MTBP: variants seen among roughly 807,000 people sequenced by gnomAD.
The protein encoded by MTBP is MDM2 binding protein, also known as mdm2-binding protein.
Under a neutral mutation model 117.0 loss-of-function variants are expected in MTBP, and 101 were observed. The observed-to-expected ratio is 0.86, with a 90% CI of 0.73 to 1.02. MTBP has a LOEUF of 1.02. MTBP is among the 50% of genes least tolerant of loss of function. The pLI is 0.00. For missense variants in MTBP, 970 were observed against 1,030.9 expected (o/e 0.94, Z 0.81); for synonymous variants, 350 against 351.5 (o/e 1.00, Z 0.05).
chr8:120,516,238 T>C, intron 18 of MTBP, 47 bp downstream of exon 18: 1 of 1,428,232 alleles, frequency 7.0e-7, no homozygotes. Context: ...GAAAGTATTT[T>C]AGTCTCGAGG....
intron 4 of MTBP, chr8:120,452,564 C>G (rs1392054245): frequency 6.6e-6 from 1 of 152,346 alleles, no homozygotes; most frequent in Non-Finnish European, 1.5e-5. Context: ...GGCACAGTGG[C>G]TCACGCCTGT....
intron 12 of MTBP, 39 bp from the exon 13 acceptor site, chr8:120,490,424 C>T (rs1437546472): frequency 4.7e-6 from 6 of 1,266,538 alleles, no homozygotes; most frequent in Non-Finnish European, 6.8e-6. Flanking sequence ...TGGCAAAGGG[C>T]ATCATTAATG....
intron 11 of MTBP, among the ~76,000 whole-genome samples, chr8:120,480,433 C>G (rs553149303): frequency 6.6e-6 from 1 of 151,782 alleles, no homozygotes; most frequent in Non-Finnish European, 1.5e-5. Context: ...AAGAAATTGA[C>G]AAACTGATCC....
At chr8:120,511,068 C>G (rs34162236) in intron 17 of MTBP, among the ~76,000 whole-genome samples, 1 of 151,874 alleles carries the variant, frequency 6.6e-6, no homozygotes, top group African/African-American at 2.4e-5. Context: ...AACAACAGAT[C>G]GGCAACTCGG....
At chr8:120,488,471 C>T (rs1192579429) in intron 12 of MTBP, 139 bp downstream of exon 12, 19 of 640,918 alleles carry the variant, frequency 3.0e-5, no homozygotes, top group Non-Finnish European at 3.9e-5. Context: ...ATTAATTTAC[C>T]TTTTATTTAA....
Position 120,488,296 on chromosome 8 carries a change from G to C in MTBP, c.1303G>C (p.Gly435Arg). 1 of 1,563,334 alleles carries C rather than the reference G, an allele frequency of 6.4e-7. No homozygotes were observed. The highest frequency in any genetic ancestry group is 1.2e-5 in the South Asian group (1 of 80,512). The change falls in exon 12 of 22, where the codon GGA (glycine) becomes CGA (arginine). Residue 435 changes from glycine to arginine, a missense_variant. Physicochemically the swap from Gly to Arg is moderately radical, Grantham distance 125. Coordinates refer to ENST00000305949, the MANE Select transcript of MTBP (RefSeq NM_022045.5). ...NGSFALNLIH[G>R]KMKTKTEEAK... is the part of the protein sequence containing the mutation. ...CTCATTTGCACTCAATTTAATTCAT[G>C]GAAAGATGAAAACAAAGACAGAAGA...
chr8:120,460,451 T>C (rs1009274143), intron 8 of MTBP, among the ~76,000 whole-genome samples: 2 of 152,176 alleles, frequency 1.3e-5, no homozygotes, highest in Non-Finnish European at 2.9e-5. Flanking sequence ...ATTACTCTGC[T>C]TTTTACAAGT....
Position 120,505,684 on chromosome 8 carries a change from G to T in MTBP, c.1728-1022G>T, listed in dbSNP as rs2130606482. The stretch of plus-strand genomic sequence containing the variant: ...TGAAGTTAGGAAATTAATTTTCTGT[G>T]CAGACATTGAAATATTTTATTTATG... On this transcript the variant is annotated intron_variant, in intron 15 of 21. Transcript: ENST00000305949. Among the ~76,000 whole-genome samples the T allele has an allele frequency of 2.6e-5, 4 of 152,238 alleles. No homozygotes were observed. In the South Asian group the frequency reaches 8.3e-4, roughly 32 times the overall value.
intron 5 of MTBP, 74 bp downstream of exon 5, chr8:120,453,979 T>A: frequency 1.1e-6 from 1 of 911,256 alleles, no homozygotes; most frequent in Non-Finnish European, 1.7e-6. Context: ...ATAAATTTGT[T>A]CTTTATGTTA....
chr8:120,478,091 A>G (rs1813986202), intron 11 of MTBP, among the ~76,000 whole-genome samples: 2 of 152,248 alleles, frequency 1.3e-5, no homozygotes, highest in Admixed American at 6.5e-5. Context: ...GAATGAGTTC[A>G]TGTCCTTTGC....
At chr8:120,466,501 C>T (rs1472352792) in intron 10 of MTBP, among the ~76,000 whole-genome samples, 3 of 151,100 alleles carry the variant, frequency 2.0e-5, no homozygotes, top group African/African-American at 7.3e-5. Context: ...CAGGTGTGAG[C>T]CACTGCACCT....
chr8:120,492,865 T>C (rs778674384), intron 13 of MTBP, among the ~76,000 whole-genome samples: 3 of 152,230 alleles, frequency 2.0e-5, no homozygotes, highest in Non-Finnish European at 4.4e-5. Flanking sequence ...TTGTGACTTA[T>C]ATTTTACCAA....
chr8:120,482,801 G>C (rs1448327051), intron 11 of MTBP, among the ~76,000 whole-genome samples: 1 of 151,680 alleles, frequency 6.6e-6, no homozygotes, highest in Non-Finnish European at 1.5e-5. Flanking sequence ...CTGGGTTCAA[G>C]CGATTCTCCT....
intron 2 of MTBP, 54 bp from the exon 3 acceptor site, chr8:120,450,949 C>A: frequency 7.9e-7 from 1 of 1,266,728 alleles, no homozygotes; most frequent in South Asian, 1.3e-5. Context: ...TATGCTGTGT[C>A]ATCTGCTTAT....
chr8:120,452,874 A>G (rs1187247425), intron 4 of MTBP: 1 of 151,592 alleles, frequency 6.6e-6, no homozygotes, highest in Non-Finnish European at 1.5e-5. Flanking sequence ...AAAGTTTCTG[A>G]TAAGTGACCT....
At chr8:120,482,225 A>G (rs188331433) in intron 11 of MTBP, among the ~76,000 whole-genome samples, 12 of 152,314 alleles carry the variant, frequency 7.9e-5, no homozygotes, top group Admixed American at 5.9e-4. Flanking sequence ...AGGTGAAATC[A>G]CTGTCACTGA....
At chr8:120,463,590 G>T in intron 9 of MTBP, 102 bp from the exon 10 acceptor site, 1 of 932,710 alleles carries the variant, frequency 1.1e-6, no homozygotes, top group Non-Finnish European at 1.6e-6. Flanking sequence ...TTTAATAGAT[G>T]AATTTAAGCA....
chr8:120,468,701 TG>T (rs1391848796), intron 10 of MTBP, among the ~76,000 whole-genome samples: 1 of 152,106 alleles, frequency 6.6e-6, no homozygotes, highest in Non-Finnish European at 1.5e-5. Flanking sequence ...CTACAGGTGT[TG>T]CAGTTTTTGG....
At chr8:120,499,295 C>A (rs374748890) in intron 14 of MTBP, among the ~76,000 whole-genome samples, 1 of 152,134 alleles carries the variant, frequency 6.6e-6, no homozygotes, top group Admixed American at 6.5e-5. Flanking sequence ...AACTGACGAT[C>A]GTTCTTCAGA....
Sources: gnomAD v4.1 joint callset for allele counts (sites outside exome capture counted in the v4.1 genomes callset) on GRCh38, gnomAD v4.1.1 for gene constraint, MANE v1.5 for transcripts, NCBI Gene and HGNC (gene_info 2026-07-23, HGNC 2026-07-21) for gene names.